CBFA2T2: variants seen among roughly 807,000 people sequenced by gnomAD.
CBFA2T2 encodes CBFA2/RUNX1 partner transcriptional co-repressor 2.
CBFA2T2 carries 11 observed loss-of-function variants against 62.2 expected under a neutral mutation model. That is an observed-to-expected ratio of 0.18 (90% CI 0.11 to 0.29). CBFA2T2 has a LOEUF of 0.29. Ranked by LOEUF, CBFA2T2 falls within the 10% of genes least tolerant of loss-of-function variation. CBFA2T2 has a pLI of 1.00. For missense variants in CBFA2T2, 592 were observed against 774.1 expected, an observed-to-expected ratio of 0.76 and a Z score of 2.79; for synonymous variants, 295 against 287.5, an observed-to-expected ratio of 1.03 and a Z score of -0.27.
chr20:33,603,345 AAATTATTCAGAC>A (rs2015212590), intron 1 of CBFA2T2, among the ~76,000 whole-genome samples: 1 of 152,238 alleles, frequency 6.6e-6, no homozygotes, highest in Non-Finnish European at 1.5e-5. Flanking sequence ...CACAGTGAAG[AAATTATTCAGAC>A]ATACTTTTCC....
chr20:33,508,600 C>T (rs1263746557), intron 1 of CBFA2T2, among the ~76,000 whole-genome samples: 2 of 152,104 alleles, frequency 1.3e-5, no homozygotes, highest in Non-Finnish European at 2.9e-5. Flanking sequence ...CCCATAGGCT[C>T]CAGTGTGTTT....
intron 1 of CBFA2T2, among the ~76,000 whole-genome samples, chr20:33,591,886 G>A (rs2014662743): frequency 6.6e-6 from 1 of 151,898 alleles, no homozygotes; most frequent in African/African-American, 2.4e-5. Context: ...TGTAAGTCAT[G>A]GTCATTCTGT....
intron 1 of CBFA2T2, among the ~76,000 whole-genome samples, chr20:33,579,554 CTTT>C (rs76190498): frequency 2.4e-5 from 3 of 125,342 alleles, no homozygotes; most frequent in Non-Finnish European, 3.4e-5. Context: ...CATCACGAAT[CTTT>C]TTTTTTTTTT....
chr20:33,620,921 A>G (rs1246823003), intron 4 of CBFA2T2, among the ~76,000 whole-genome samples: 3 of 152,268 alleles, frequency 2.0e-5, no homozygotes, highest in Admixed American at 6.5e-5. Context: ...ACTGTTACCT[A>G]TAGACCTTAT....
At chr20:33,540,384 ATAG>A (rs1346163100) in intron 1 of CBFA2T2, among the ~76,000 whole-genome samples, 2 of 152,206 alleles carry the variant, frequency 1.3e-5, no homozygotes, top group African/African-American at 4.8e-5. Context: ...TAAACCTGTA[ATAG>A]TAGCTAACAG....
intron 3 of CBFA2T2, among the ~76,000 whole-genome samples, chr20:33,618,757 T>TA (rs1345914532): frequency 6.6e-6 from 1 of 152,210 alleles, no homozygotes; most frequent in Non-Finnish European, 1.5e-5. Flanking sequence ...GACACTGGGT[T>TA]ACTGAGTCCA....
At chr20:33,625,430 T>G (rs2016185756) in intron 6 of CBFA2T2, among the ~76,000 whole-genome samples, 1 of 152,056 alleles carries the variant, frequency 6.6e-6, no homozygotes, top group South Asian at 2.1e-4. Context: ...AAAACTACAT[T>G]GAGCCATGAT....
chr20:33,623,174 C>T lies in CBFA2T2; in HGVS notation c.570C>T (p.Thr190=). 6.2e-7 allele frequency: 1 copy of T among 1,614,258 alleles called. No individual in the cohort carries two copies. The highest frequency in any genetic ancestry group is 8.5e-7 in the Non-Finnish European group (1 of 1,180,054). Residue 190 remains threonine, a synonymous_variant, in exon 5 of 11, where the codon ACC becomes ACT. Transcript: ENST00000342704. The part of the protein sequence containing the change: ...LLHCARAAKQ[T]PSQYLAQHEH... ...ACTGCGCTCGGGCGGCCAAGCAGAC[C>T]CCATCCCAGTACCTGGCTCAGCACG...
At chr20:33,606,702 G>A (rs777788214) in intron 1 of CBFA2T2, among the ~76,000 whole-genome samples, 34 of 151,942 alleles carry the variant, frequency 2.2e-4, no homozygotes, top group Non-Finnish European at 4.4e-4. Context: ...TGGATTTAGA[G>A]CCCACCCAGA....
intron 1 of CBFA2T2, among the ~76,000 whole-genome samples, chr20:33,579,122 T>TG (rs200422634): frequency 1.4e-3 from 210 of 151,328 alleles, no homozygotes; most frequent in African/African-American, 4.8e-3. Flanking sequence ...TTTGTTTTTT[T>TG]TTTTTTTTAA....
At position 33,490,137 on chromosome 20, in the gene CBFA2T2, G is replaced by C. The variant is rs1373454307; in HGVS notation, c.-131G>C. ...GCGACAGCAGCGGTGGTGGTGTCTG[G>C]TTAGCTCGGCGGCTGCAGATCTCGC... is the stretch of plus-strand genomic sequence containing the variant. On this transcript the variant is annotated 5_prime_UTR_variant, in exon 1 of 11. Transcript: ENST00000342704. 2 of 960,164 alleles carry C rather than the reference G, an allele frequency of 2.1e-6. No homozygotes were observed. Among genetic ancestry groups the C allele is most frequent in the African/African-American group, 1.7e-5 (1 of 57,492 alleles). 59.5% of individuals were successfully genotyped at this position (960,164 alleles called of 1,614,324 possible).
chr20:33,509,427 A>G (rs2011468603), intron 1 of CBFA2T2, among the ~76,000 whole-genome samples: 1 of 152,164 alleles, frequency 6.6e-6, no homozygotes, highest in Non-Finnish European at 1.5e-5. Flanking sequence ...TAAGGGGGAA[A>G]ACAAGGCTTC....
intron 1 of CBFA2T2, among the ~76,000 whole-genome samples, chr20:33,521,153 A>C (rs2011720968): frequency 6.6e-6 from 1 of 152,148 alleles, no homozygotes; most frequent in Non-Finnish European, 1.5e-5. Context: ...ACAACTAGGA[A>C]GAAATTCTTA....
At chr20:33,600,443 C>A in intron 1 of CBFA2T2, 1 of 398,374 alleles carries the variant, frequency 2.5e-6, no homozygotes, top group Admixed American at 2.9e-5. Flanking sequence ...CTGCATTGGC[C>A]TCCCAACGTG....
chr20:33,497,387 C>T (rs2011213355), intron 1 of CBFA2T2, among the ~76,000 whole-genome samples: 1 of 150,472 alleles, frequency 6.6e-6, no homozygotes, highest in Admixed American at 6.6e-5. Context: ...TCTAGAGATG[C>T]TCTCATTAGT....
At chr20:33,528,448 C>T (rs1320224848) in intron 1 of CBFA2T2, among the ~76,000 whole-genome samples, 2 of 152,158 alleles carry the variant, frequency 1.3e-5, no homozygotes, top group Non-Finnish European at 2.9e-5. Flanking sequence ...AGATCATGAC[C>T]GAAATCCAGA....
At chr20:33,588,191 A>C (rs2014461431) in intron 1 of CBFA2T2, among the ~76,000 whole-genome samples, 1 of 151,988 alleles carries the variant, frequency 6.6e-6, no homozygotes, top group Non-Finnish European at 1.5e-5. Context: ...TTTCCTCTTG[A>C]CCCCTTTATT....
At chr20:33,590,493 G>T (rs1008194765) in intron 1 of CBFA2T2, among the ~76,000 whole-genome samples, 1 of 152,176 alleles carries the variant, frequency 6.6e-6, no homozygotes, top group Non-Finnish European at 1.5e-5. Context: ...CTTTGATTGG[G>T]CACAATAAGA....
chr20:33,528,976 T>G (rs1011206936), intron 1 of CBFA2T2, among the ~76,000 whole-genome samples: 1 of 152,210 alleles, frequency 6.6e-6, no homozygotes, highest in Non-Finnish European at 1.5e-5. Flanking sequence ...AACCTTTTTC[T>G]TTTCCTTTTG....
Sources: allele counts gnomAD v4.1 joint callset (sites outside exome capture counted in the v4.1 genomes callset), GRCh38; gene constraint gnomAD v4.1.1; transcripts MANE v1.5; gene names NCBI Gene and HGNC (gene_info 2026-07-23, HGNC 2026-07-21).